ZNF407: variants seen among roughly 807,000 people sequenced by gnomAD.
The protein encoded by ZNF407 is zinc finger protein 407.
In ZNF407, 17 loss-of-function variants were observed where a neutral mutation model predicts 131.2. That is an observed-to-expected ratio of 0.13 (90% confidence interval 0.09 to 0.19). The LOEUF is 0.19. ZNF407 is among the 10% of genes least tolerant of loss of function. The pLI, the probability that ZNF407 is intolerant of heterozygous loss-of-function variation, is 1.00. For synonymous variants in ZNF407, 1,156 were observed against 1,062.0 expected (o/e 1.09, Z -1.72); for missense variants, 2,681 against 2,830.6 (o/e 0.95, Z 1.20).
intron 7 of ZNF407, among the ~76,000 whole-genome samples, chr18:74,913,898 G>A (rs942030987): frequency 2.0e-5 from 3 of 152,038 alleles, no homozygotes; most frequent in Non-Finnish European, 2.9e-5. Context: ...AACATACATC[G>A]CCTTTGAACA....
At chr18:74,625,099 A>G (rs1482543218) in intron 1 of ZNF407, among the ~76,000 whole-genome samples, 1 of 152,088 alleles carries the variant, frequency 6.6e-6, no homozygotes, top group Non-Finnish European at 1.5e-5. Context: ...TTCAATATTT[A>G]TTTGTTGAAT....
intron 8 of ZNF407, among the ~76,000 whole-genome samples, chr18:74,995,122 A>G (rs1458715236): frequency 6.6e-6 from 1 of 152,220 alleles, no homozygotes; most frequent in African/African-American, 2.4e-5. Flanking sequence ...TGCTAATTGA[A>G]TATTTATCGA....
At chr18:74,906,480 T>G (rs143666678) in intron 7 of ZNF407, among the ~76,000 whole-genome samples, 3 of 152,364 alleles carry the variant, frequency 2.0e-5, no homozygotes, top group Non-Finnish European at 4.4e-5. Flanking sequence ...TGGGTGTTTT[T>G]CAAATAGATG....
intron 8 of ZNF407, among the ~76,000 whole-genome samples, chr18:74,930,488 A>C (rs1235209675): frequency 1.3e-5 from 2 of 152,092 alleles, no homozygotes; most frequent in East Asian, 3.9e-4. Flanking sequence ...TTTGACATCC[A>C]TTAGTTTATC....
chr18:74,831,125 T>TA (rs1427519189), intron 4 of ZNF407, among the ~76,000 whole-genome samples: 3 of 152,230 alleles, frequency 2.0e-5, no homozygotes, highest in Admixed American at 2.0e-4. Context: ...GGCTGAATAG[T>TA]ATTTCATTGT....
chr18:74,609,541 G>A (rs556068213), intron 1 of ZNF407, among the ~76,000 whole-genome samples: 1 of 152,314 alleles, frequency 6.6e-6, no homozygotes, highest in East Asian at 1.9e-4. Context: ...CTTGTTTAGA[G>A]CACTTACCAT....
chr18:74,832,285 C>T (rs1970496647), intron 4 of ZNF407, among the ~76,000 whole-genome samples: 1 of 152,084 alleles, frequency 6.6e-6, no homozygotes, highest in South Asian at 2.1e-4. Context: ...TTTACTTCTC[C>T]AAAGTGGGTA....
At chr18:75,001,935 G>A (rs375427385) in intron 8 of ZNF407, among the ~76,000 whole-genome samples, 5 of 152,156 alleles carry the variant, frequency 3.3e-5, no homozygotes, top group East Asian at 1.9e-4. Context: ...GGCCTTTAGC[G>A]GGTGGAGACC....
chr18:74,633,322 G>A lies in ZNF407; in HGVS notation c.2303G>A (p.Gly768Asp). The A allele has an allele frequency of 1.2e-6, 2 of 1,613,296 alleles. No individual in the cohort carries two copies. The highest frequency in any genetic ancestry group is 1.7e-6 in the Non-Finnish European group (2 of 1,179,768). ...HLENAKKNNIGLSFEECIERV... is the reference protein window; with the variant it reads ...HLENAKKNNIDLSFEECIERV... ...GAAAATGCTAAGAAAAATAATATTG[G>A]CTTAAGCTTTGAAGAATGTATTGAA... The change falls in exon 2 of 9, where the codon GGC (glycine) becomes GAC (aspartate). Residue 768 changes from glycine (G) to aspartate (D), a missense_variant. Physicochemically the swap from Gly to Asp is moderately conservative, Grantham distance 94. Around this residue, in one of 6 missense-constraint regions of ZNF407, gnomAD observed 1,789 missense variants for 1,748.7 expected, o/e 1.02. Coordinates refer to ENST00000299687, the MANE Select transcript of ZNF407 (RefSeq NM_017757.3).
At chr18:74,750,847 GTTGT>G (rs1306104353) in intron 3 of ZNF407, among the ~76,000 whole-genome samples, 7 of 152,048 alleles carry the variant, frequency 4.6e-5, no homozygotes, top group Admixed American at 1.3e-4. Context: ...AACAAGACTT[GTTGT>G]TTGTCTTTTT....
chr18:75,056,312 AGAAT>A (rs1255607061), intron 8 of ZNF407, among the ~76,000 whole-genome samples: 1 of 152,244 alleles, frequency 6.6e-6, no homozygotes, highest in Non-Finnish European at 1.5e-5. Flanking sequence ...AACGCTGACC[AGAAT>A]GTGTTTCTAA....
At chr18:74,619,624 A>T (rs1166539583) in intron 1 of ZNF407, among the ~76,000 whole-genome samples, 2 of 152,002 alleles carry the variant, frequency 1.3e-5, no homozygotes, top group Non-Finnish European at 2.9e-5. Flanking sequence ...ATCACATGTC[A>T]CCTCCCCCAC....
chr18:74,809,781 G>T (rs1970168001), intron 4 of ZNF407, among the ~76,000 whole-genome samples: 1 of 152,168 alleles, frequency 6.6e-6, no homozygotes, highest in African/African-American at 2.4e-5. Flanking sequence ...GTGTATGGAG[G>T]TCTAAGCTGG....
chr18:75,059,568 G>T (rs556678611), intron 8 of ZNF407, among the ~76,000 whole-genome samples: 1 of 152,136 alleles, frequency 6.6e-6, no homozygotes, highest in Admixed American at 6.5e-5. Flanking sequence ...TGAAGATGGC[G>T]CTGGGTAGAA....
chr18:74,732,147 G>T (rs1968308695), intron 3 of ZNF407, among the ~76,000 whole-genome samples: 1 of 152,202 alleles, frequency 6.6e-6, no homozygotes, highest in African/African-American at 2.4e-5. Context: ...TTGGACTTCA[G>T]TTAAATCTAA....
chr18:75,012,134 A>G (rs1972981301), intron 8 of ZNF407, among the ~76,000 whole-genome samples: 2 of 152,150 alleles, frequency 1.3e-5, no homozygotes, highest in Admixed American at 1.3e-4. Flanking sequence ...GAGCTGTCAC[A>G]TTGTAGAATG....
chr18:74,745,851 A>G (rs1485666205), intron 3 of ZNF407, among the ~76,000 whole-genome samples: 1 of 152,118 alleles, frequency 6.6e-6, no homozygotes, highest in African/African-American at 2.4e-5. Flanking sequence ...GCCTCATACG[A>G]GGAGTCTGTA....
intron 8 of ZNF407, among the ~76,000 whole-genome samples, chr18:74,982,026 T>C (rs995510896): frequency 6.6e-6 from 1 of 152,198 alleles, no homozygotes; most frequent in Non-Finnish European, 1.5e-5. Flanking sequence ...ATGGGCTTCT[T>C]CACAAGATTT....
In ZNF407 at chr18:74,864,888, T is replaced by C. The variant is rs1970989145; in HGVS notation, c.4878-12309T>C. Reference sequence around the variant, plus strand: ...CTGGTCTCTAAAGTTTGTTGACATATTTTTTCCATTGAGCACCTAGAACCA... The same window carrying C: ...CTGGTCTCTAAAGTTTGTTGACATACTTTTTCCATTGAGCACCTAGAACCA... On this transcript the variant is annotated intron_variant, in intron 4 of 8. Coordinates refer to ENST00000299687, the MANE Select transcript of ZNF407 (RefSeq NM_017757.3). Among the ~76,000 whole-genome samples, 3 of 152,196 alleles carry C rather than the reference T, an allele frequency of 2.0e-5. No homozygotes were observed. In the South Asian group the frequency reaches 6.2e-4, roughly 31 times the overall value.
Sources: gnomAD v4.1 joint callset for allele counts (sites outside exome capture counted in the v4.1 genomes callset) on GRCh38, gnomAD v4.1.1 for gene constraint, gnomAD v4.1.1 regional missense constraint, MANE v1.5 for transcripts, NCBI Gene and HGNC (gene_info 2026-07-23, HGNC 2026-07-21) for gene names.